The following IFIT3 variants were observed in gnomAD, a reference collection of about 807,000 sequenced individuals.
IFIT3 encodes interferon-induced protein with tetratricopeptide repeats 3.
IFIT3 carries 2 observed loss-of-function variants against 2.4 expected under a neutral mutation model. The ratio of observed to expected loss-of-function variants is 0.82; its 90% confidence interval spans 0.34 to 2.60. The LOEUF (loss-of-function observed/expected upper bound fraction) is 2.60, where lower values mean the gene tolerates loss of function less well. Ranked by LOEUF, IFIT3 falls within the 30% of genes most tolerant of loss-of-function variation. IFIT3 has a pLI of 0.11. For synonymous variants in IFIT3, 203 were observed against 212.1 expected, an observed-to-expected ratio of 0.96 and a Z score of 0.37; for missense variants, 481 against 562.4, an observed-to-expected ratio of 0.86 and a Z score of 1.46.
chr10:89,332,463 A>G lies in IFIT3; in HGVS notation c.5+4385A>G, dbSNP rs547999268. Reference sequence around the variant, plus strand: ...CAGTTTCCCCTCAAGAGGGATCTTGATAGGGTTCCATCAGTTTCACTTTCC... The same window carrying G: ...CAGTTTCCCCTCAAGAGGGATCTTGGTAGGGTTCCATCAGTTTCACTTTCC... On this transcript the variant is annotated intron_variant, in intron 1 of 1. Coordinates refer to ENST00000371818, the MANE Select transcript of IFIT3 (RefSeq NM_001549.6). 19 of 1,487,610 alleles carry G rather than the reference A, an allele frequency of 1.3e-5. No homozygotes were observed. In the South Asian group the frequency reaches 2.3e-4, roughly 18 times the overall value. The allele number at this position is 1,487,610 out of a possible 1,614,324, so 92.2% of individuals were successfully genotyped here.
intron 1 of IFIT3, among the ~76,000 whole-genome samples, chr10:89,329,857 C>A (rs1407182535): frequency 1.8e-4 from 27 of 151,918 alleles, no homozygotes; most frequent in Non-Finnish European, 1.5e-5. Context: ...TGGGCTGAGT[C>A]CGAAAAGAAA....
rs1254619783 is a variant in IFIT3, at chr10:89,339,628, G to C, written c.973G>C (p.Gly325Arg). ...CTATTCGAATAAAGCTCTTGAGAAG[G>C]GACTGAATCCTCTGAATGCATACTC... ...MDYSNKALEK[G>R]LNPLNAYSDL... Residue 325 changes from glycine to arginine, a missense_variant, in exon 2 of 2, where the codon GGA (glycine) becomes CGA (arginine). Gly to Arg is a moderately radical substitution (Grantham distance 125, BLOSUM62 -2). Transcript: ENST00000371818. The C allele has an allele frequency of 1.2e-6, 2 of 1,614,170 alleles. No individual in the cohort carries two copies. The highest frequency in any genetic ancestry group is 3.3e-5 in the Admixed American group (2 of 60,024).
Position 89,339,604 on chromosome 10 carries a change from T to C in IFIT3, c.949T>C (p.Tyr317His). The C allele has an allele frequency of 6.2e-7, 1 of 1,614,202 alleles. No individual in the cohort carries two copies. The highest frequency in any genetic ancestry group is 8.5e-7 in the Non-Finnish European group (1 of 1,180,020). The stretch of plus-strand genomic sequence containing the variant: ...AGCACTAAAGCAATATGCTATGGAC[T>C]ATTCGAATAAAGCTCTTGAGAAGGG... Reference protein sequence around the residue: ...IEALKQYAMDYSNKALEKGLN... With the variant: ...IEALKQYAMDHSNKALEKGLN... Residue 317 changes from tyrosine to histidine, a missense_variant, in exon 2 of 2, where the codon TAT becomes CAT. By Grantham distance (83) the Tyr-to-His change is moderately conservative. Transcript: ENST00000371818.
At chr10:89,338,548 A>G in intron 1 of IFIT3, 113 bp from the exon 2 acceptor site, 1 of 998,850 alleles carries the variant, frequency 1.0e-6, no homozygotes, top group Non-Finnish European at 1.5e-6. Context: ...ATAATGTTGG[A>G]CCAAATATCT....
At position 89,338,990 on chromosome 10, in the gene IFIT3, A is replaced by G; in HGVS notation, c.335A>G (p.Asp112Gly). ...WVYYHLGRLSDAQIYVDKVKQ... is the reference protein window; with the variant it reads ...WVYYHLGRLSGAQIYVDKVKQ... ...TACTATCACTTGGGCAGACTCTCAG[A>G]TGCTCAGATTTATGTAGATAAGGTG... Residue 112 changes from aspartate (D) to glycine (G), a missense_variant, in exon 2 of 2, where the codon GAT becomes GGT. By Grantham distance (94) the Asp-to-Gly change is moderately conservative. Transcript: ENST00000371818. 6.2e-7 allele frequency: 1 copy of G among 1,614,176 alleles called. No individual in the cohort carries two copies. Among genetic ancestry groups the G allele is most frequent in the Non-Finnish European group, 8.5e-7 (1 of 1,180,014 alleles).
At chr10:89,334,613 T>C (rs1205185726) in intron 1 of IFIT3, among the ~76,000 whole-genome samples, 1 of 146,338 alleles carries the variant, frequency 6.8e-6, no homozygotes, top group Non-Finnish European at 1.5e-5. Flanking sequence ...CTGCCTCGGC[T>C]TCCCGAGTAG....
At chr10:89,329,264 A>G (rs1024909756) in intron 1 of IFIT3, among the ~76,000 whole-genome samples, 6 of 152,208 alleles carry the variant, frequency 3.9e-5, no homozygotes, top group Non-Finnish European at 7.3e-5. Context: ...GAGATGGGTA[A>G]GAGGAATTCA....
intron 1 of IFIT3, among the ~76,000 whole-genome samples, chr10:89,335,079 T>C (rs1194633200): frequency 7.2e-5 from 11 of 152,128 alleles, no homozygotes; most frequent in Admixed American, 7.2e-4. Context: ...CCAATATATT[T>C]TGCTCCAAAT....
chr10:89,336,832 T>C (rs1163414921), intron 1 of IFIT3, among the ~76,000 whole-genome samples: 1 of 152,204 alleles, frequency 6.6e-6, no homozygotes. Context: ...TTCTTTCCAA[T>C]CTTATGGTGC....
chr10:89,328,440 T>G (rs2133538138), intron 1 of IFIT3, among the ~76,000 whole-genome samples: 1 of 152,358 alleles, frequency 6.6e-6, no homozygotes, highest in South Asian at 2.1e-4. Flanking sequence ...AGGGTAGACC[T>G]AAGGGAATTA....
chr10:89,330,525 A>G (rs1345466749), intron 1 of IFIT3, among the ~76,000 whole-genome samples: 1 of 152,252 alleles, frequency 6.6e-6, no homozygotes, highest in Non-Finnish European at 1.5e-5. Flanking sequence ...CCCATGCCTT[A>G]GAGTGGCCAA....
intron 1 of IFIT3, among the ~76,000 whole-genome samples, chr10:89,336,158 A>G (rs1424051356): frequency 1.5e-5 from 2 of 135,944 alleles, no homozygotes; most frequent in Non-Finnish European, 3.2e-5. Context: ...GGGAGGGAGG[A>G]AGGGAGGGAG....
chr10:89,339,995 G>A lies in IFIT3; in HGVS notation c.1340G>A (p.Arg447Lys), dbSNP rs748720499. Residue 447 changes from arginine (R) to lysine (K), a missense_variant, in exon 2 of 2, where the codon AGG becomes AAG. Coordinates refer to ENST00000371818, the MANE Select transcript of IFIT3 (RefSeq NM_001549.6). ...GAGAAGGAACTGGGCCGCCTGCTAA[G>A]GGATGCCCCTTCAGGCATAGGCAGT... is the stretch of plus-strand genomic sequence containing the variant. ...CYEKELGRLL[R>K]DAPSGIGSIF... The A allele has an allele frequency of 6.2e-7, 1 of 1,614,214 alleles. No homozygotes were observed. The highest frequency in any genetic ancestry group is 2.2e-5 in the East Asian group (1 of 44,886).
In IFIT3 at chr10:89,339,624, G is replaced by A; in HGVS notation, c.969G>A (p.Glu323=). The change falls in exon 2 of 2, where the codon GAG becomes GAA. Residue 323 remains glutamate (E), a synonymous_variant. Coordinates refer to ENST00000371818, the MANE Select transcript of IFIT3 (RefSeq NM_001549.6). ...TGGACTATTCGAATAAAGCTCTTGAGAAGGGACTGAATCCTCTGAATGCAT... is the reference window on the plus strand; with the variant it reads ...TGGACTATTCGAATAAAGCTCTTGAAAAGGGACTGAATCCTCTGAATGCAT... ...YAMDYSNKAL[E]KGLNPLNAYS... The A allele has an allele frequency of 1.2e-6, 2 of 1,614,208 alleles. No individual in the cohort carries two copies. The highest frequency in any genetic ancestry group is 1.7e-6 in the Non-Finnish European group (2 of 1,180,034).
chr10:89,332,391 G>C, intron 1 of IFIT3: 3 of 1,008,980 alleles, frequency 3.0e-6, no homozygotes, highest in Non-Finnish European at 4.1e-6. Flanking sequence ...AATCTGTCTG[G>C]AACATGTTCC....
At chr10:89,332,649 G>C in intron 1 of IFIT3, 1 of 1,612,504 alleles carries the variant, frequency 6.2e-7, no homozygotes, top group Non-Finnish European at 8.5e-7. Flanking sequence ...CTGCTTCTCT[G>C]ATAGGAAACA....
intron 1 of IFIT3, among the ~76,000 whole-genome samples, chr10:89,329,614 C>G (rs186197460): frequency 2.0e-5 from 3 of 151,896 alleles, no homozygotes; most frequent in African/African-American, 7.3e-5. Context: ...CTCACTGGCA[C>G]GTGCCAGCTG....
chr10:89,334,072 A>G (rs1311644672), intron 1 of IFIT3, among the ~76,000 whole-genome samples: 2 of 152,240 alleles, frequency 1.3e-5, no homozygotes, highest in Non-Finnish European at 2.9e-5. Context: ...CAAGCTGCAC[A>G]TGTGCAGACA....
At position 89,339,800 on chromosome 10, in the gene IFIT3, G is replaced by C. The variant is rs1468320625; in HGVS notation, c.1145G>C (p.Gly382Ala). The C allele has an allele frequency of 1.9e-6, 3 of 1,614,172 alleles. No individual in the cohort carries two copies. Among genetic ancestry groups the C allele is most frequent in the Non-Finnish European group, 1.7e-6 (2 of 1,180,022 alleles). The change falls in exon 2 of 2, where the codon GGT becomes GCT. Residue 382 changes from glycine (G) to alanine (A), a missense_variant. Coordinates refer to ENST00000371818, the MANE Select transcript of IFIT3 (RefSeq NM_001549.6). The stretch of plus-strand genomic sequence containing the variant: ...TCTGAAGACACTGCTGTGCAACATG[G>C]TTTAGAGGGTTTGTCCATAAGCAAA... The part of the protein sequence containing the change: ...GKSEDTAVQH[G>A]LEGLSISKKS...
Sources: allele counts gnomAD v4.1 joint callset (sites outside exome capture counted in the v4.1 genomes callset), GRCh38; gene constraint gnomAD v4.1.1; transcripts MANE v1.5; gene names NCBI Gene and HGNC (gene_info 2026-07-23, HGNC 2026-07-21).